The following ZNF226 variants were observed in gnomAD, a reference collection of about 807,000 sequenced individuals.
ZNF226 encodes Kruppel-associated box protein.
A neutral mutation model predicts 11.4 loss-of-function variants in ZNF226; 6 were observed. The ratio of observed to expected loss-of-function variants is 0.53; its 90% CI spans 0.29 to 1.04. The LOEUF (loss-of-function observed/expected upper bound fraction) is 1.04, where lower values mean the gene tolerates loss of function less well. ZNF226 is among the 50% of genes least tolerant of loss of function. The pLI is 0.08. For synonymous variants in ZNF226, 350 were observed against 322.8 expected (o/e 1.08, Z -0.90); for missense variants, 1,058 against 956.5 (o/e 1.11, Z -1.40).
intron 2 of ZNF226, among the ~76,000 whole-genome samples, 175 bp downstream of exon 2, chr19:44,165,982 T>A (rs1203191833): frequency 6.6e-6 from 1 of 152,218 alleles, no homozygotes; most frequent in Non-Finnish European, 1.5e-5. Flanking sequence ...GAAGTGATAC[T>A]CTTTTTCCGA....
the ZNF226 span, among the ~76,000 whole-genome samples, chr19:44,193,094 C>T: frequency 6.6e-6 from 1 of 152,038 alleles, no homozygotes; most frequent in Non-Finnish European, 1.5e-5. Context: ...AGTTTATTTA[C>T]CAAAGATTTA....
At chr19:44,183,022 GTCT>G (rs1301963846), downstream of ZNF226, among the ~76,000 whole-genome samples, 2 of 152,184 alleles carry the variant, frequency 1.3e-5, no homozygotes, top group African/African-American at 2.4e-5. Context: ...TGTAGGTCAA[GTCT>G]TCTTGAGAAA....
the ZNF226 span, among the ~76,000 whole-genome samples, chr19:44,194,200 C>T: frequency 6.6e-6 from 1 of 152,158 alleles, no homozygotes; most frequent in African/African-American, 2.4e-5. Context: ...ACATGGGAGA[C>T]GTTTTCTTTG....
the ZNF226 span, among the ~76,000 whole-genome samples, chr19:44,185,064 G>A: frequency 1.3e-5 from 2 of 152,144 alleles, no homozygotes; most frequent in Admixed American, 6.5e-5. Flanking sequence ...TAATGTTCTC[G>A]AGGTTGATTA....
At chr19:44,165,430 T>C (rs757620405) in intron 1 of ZNF226, among the ~76,000 whole-genome samples, 16 of 152,226 alleles carry the variant, frequency 1.1e-4, no homozygotes, top group African/African-American at 3.1e-4. Context: ...CAGTATCACA[T>C]TGAGCGAGTT....
the ZNF226 span, among the ~76,000 whole-genome samples, chr19:44,184,011 A>G: frequency 6.6e-6 from 1 of 152,212 alleles, no homozygotes; most frequent in African/African-American, 2.4e-5. Flanking sequence ...AAATTGTCTC[A>G]TTGAAGCATA....
chr19:44,196,078 T>A, the ZNF226 span, among the ~76,000 whole-genome samples: 1 of 152,002 alleles, frequency 6.6e-6, no homozygotes, highest in Non-Finnish European at 1.5e-5. Context: ...GGGGGATGAA[T>A]AGTTTTGCTG....
intron 5 of ZNF226, chr19:44,175,102 A>G (rs1179284502): frequency 6.3e-7 from 1 of 1,594,264 alleles, no homozygotes; most frequent in Non-Finnish European, 8.5e-7. Flanking sequence ...AAGGACTCAT[A>G]TATGCATACA....
rs1568575674 is a variant in ZNF226, at chr19:44,177,664, CTA to C, written c.2405_2406del (p.Ile802LysfsTer?). 1.3e-6 allele frequency: 2 copies of C among 1,578,756 alleles called. No individual in the cohort carries two copies. Among genetic ancestry groups the C allele is most frequent in the Non-Finnish European group, 1.7e-6 (2 of 1,164,586 alleles). On this transcript the variant is annotated frameshift_variant, in exon 6 of 6. Transcript: ENST00000337433. LOFTEE classifies it high-confidence loss of function. ...AGAGAATCCACACAGGAAAAAAAATCTATAAAATGATTCTTTGTGAAGACTCG... is the reference window on the plus strand; with the variant it reads ...AGAGAATCCACACAGGAAAAAAAATCTAAAATGATTCTTTGTGAAGACTCG...
rs780262529 is a variant in ZNF226, at chr19:44,176,415, C to T, written c.1153C>T (p.His385Tyr). Residue 385 changes from histidine to tyrosine, a missense_variant, in exon 6 of 6, where the codon CAC becomes TAC. By Grantham distance (83) the His-to-Tyr change is moderately conservative. Coordinates refer to ENST00000337433, the MANE Select transcript of ZNF226 (RefSeq NM_001032373.2). Reference sequence around the variant, plus strand: ...TCATCTTCAGGACCATCAGAGACTCCACACTGGGGAGAAGCCATTCAAATG... The same window carrying T: ...TCATCTTCAGGACCATCAGAGACTCTACACTGGGGAGAAGCCATTCAAATG... ...ASHLQDHQRL[H>Y]TGEKPFKCDA... The T allele has an allele frequency of 4.5e-5, 73 of 1,613,932 alleles. No homozygotes were observed. The South Asian group carries it at 7.5e-4, about 17-fold the overall frequency.
Position 44,176,344 on chromosome 19 carries a change from A to G in ZNF226, c.1082A>G (p.Lys361Arg), listed in dbSNP as rs773232886. The G allele has an allele frequency of 6.2e-6, 10 of 1,614,118 alleles. No individual in the cohort carries two copies. In the African/African-American group the frequency reaches 1.2e-4, roughly 19 times the overall value. Residue 361 changes from lysine (K) to arginine (R), a missense_variant, in exon 6 of 6, where the codon AAA becomes AGA. Lys to Arg is a conservative substitution (Grantham distance 26). Transcript: ENST00000337433. ...CATTGCAAGGTCCACACGGCAGAGA[A>G]ACCTTATAATTGTGAGGAGTGTGGG... ...NVHCKVHTAE[K>R]PYNCEECGRA... is the part of the protein sequence containing the mutation.
chr19:44,169,925 A>C (rs1383230194), intron 2 of ZNF226, 110 bp from the exon 3 acceptor site: 2 of 595,182 alleles, frequency 3.4e-6, no homozygotes, highest in Non-Finnish European at 5.6e-6. Context: ...AAGCCACATA[A>C]AGCTGCAGCC....
chr19:44,179,206 G>T (rs530043022), downstream of ZNF226, among the ~76,000 whole-genome samples: 1 of 151,988 alleles, frequency 6.6e-6, no homozygotes, highest in Non-Finnish European at 1.5e-5. Context: ...CCTTAAATTC[G>T]TGTGTGTCCA....
chr19:44,190,768 AC>A, the ZNF226 span, among the ~76,000 whole-genome samples: 1 of 152,170 alleles, frequency 6.6e-6, no homozygotes. Context: ...AATGTTTTTA[AC>A]TGTATCATGT....
At chr19:44,198,874 G>A in the ZNF226 span, among the ~76,000 whole-genome samples, 3 of 151,914 alleles carry the variant, frequency 2.0e-5, no homozygotes, top group Non-Finnish European at 4.4e-5. Flanking sequence ...GTGCGATCTC[G>A]GCTCACTGCA....
rs574090269 is a variant in ZNF226 at position 44,175,588 on chromosome 19, A to G, written c.326A>G (p.Asn109Ser). 8 of 1,613,282 alleles carry G rather than the reference A, an allele frequency of 5.0e-6. No homozygotes were observed. Among genetic ancestry groups the G allele is most frequent in the South Asian group, 3.3e-5 (3 of 90,866 alleles). ...TGGCAAATCTGGCAACAAATTGCAA[A>G]TGACTTAACCAGGTGTCAAGACTCC... is the stretch of plus-strand genomic sequence containing the variant. Reference protein sequence around the residue: ...SCWQIWQQIANDLTRCQDSMI... With the variant: ...SCWQIWQQIASDLTRCQDSMI... Residue 109 changes from asparagine to serine, a missense_variant, in exon 6 of 6, where the codon AAT (asparagine) becomes AGT (serine). Asn to Ser is a conservative substitution (Grantham distance 46, BLOSUM62 1). Transcript: ENST00000337433.
chr19:44,169,082 G>C (rs970525135), intron 2 of ZNF226, among the ~76,000 whole-genome samples: 4 of 132,140 alleles, frequency 3.0e-5, no homozygotes, highest in African/African-American at 1.2e-4. Context: ...AATCTCAGCT[G>C]ACTGCAACCT....
At chr19:44,166,355 G>A (rs1484089906) in intron 2 of ZNF226, among the ~76,000 whole-genome samples, 2 of 152,122 alleles carry the variant, frequency 1.3e-5, no homozygotes, top group African/African-American at 4.8e-5. Context: ...ACAAAAATTA[G>A]CCAGGCGTGG....
chr19:44,175,733 T>G lies in ZNF226; in HGVS notation c.471T>G (p.Asn157Lys). 7 of 1,612,892 alleles carry G rather than the reference T, an allele frequency of 4.3e-6. No individual in the cohort carries two copies. Among genetic ancestry groups the G allele is most frequent in the Non-Finnish European group, 5.9e-6 (7 of 1,179,502 alleles). Residue 157 changes from asparagine (N) to lysine (K), a missense_variant, in exon 6 of 6, where the codon AAT (asparagine) becomes AAG (lysine). Coordinates refer to ENST00000337433, the MANE Select transcript of ZNF226 (RefSeq NM_001032373.2). ...NYIVNKADGP[N>K]NTGNPEFPIL... ...TAGTAAATAAAGCAGATGGTCCCAATAATACTGGGAATCCAGAGTTTCCTA... is the reference window on the plus strand; with the variant it reads ...TAGTAAATAAAGCAGATGGTCCCAAGAATACTGGGAATCCAGAGTTTCCTA...
Sources: allele counts gnomAD v4.1 joint callset (sites outside exome capture counted in the v4.1 genomes callset), GRCh38; gene constraint gnomAD v4.1.1; transcripts MANE v1.5; gene names NCBI Gene and HGNC (gene_info 2026-07-23, HGNC 2026-07-21).